THBS4: variants seen among roughly 807,000 people sequenced by gnomAD.
The protein encoded by THBS4 is thrombospondin-4.
In THBS4, 90 loss-of-function variants were observed where a neutral mutation model predicts 115.7. That is an observed-to-expected ratio of 0.78 (90% CI 0.66 to 0.93). The LOEUF is 0.93. THBS4 is among the 40% of genes least tolerant of loss of function. The pLI is 0.00. For missense variants in THBS4, 1,087 were observed against 1,232.7 expected, an observed-to-expected ratio of 0.88 and a Z score of 1.77; for synonymous variants, 460 against 479.3, an observed-to-expected ratio of 0.96 and a Z score of 0.53.
At chr5:80,005,758 T>C (rs1201885680) in intron 2 of THBS4, among the ~76,000 whole-genome samples, 2 of 147,438 alleles carry the variant, frequency 1.4e-5, no homozygotes, top group Non-Finnish European at 3.0e-5. Flanking sequence ...GTTTTGTTTG[T>C]GGCATTTTTT....
chr5:80,070,456 C>G, intron 11 of THBS4, 46 bp downstream of exon 11: 1 of 1,548,864 alleles, frequency 6.5e-7, no homozygotes, highest in Non-Finnish European at 8.9e-7. Flanking sequence ...CTGTGGCTTT[C>G]CAAAGTCACA....
chr5:80,031,067 T>C (rs1832578577), upstream of THBS4, among the ~76,000 whole-genome samples: 1 of 152,196 alleles, frequency 6.6e-6, no homozygotes, highest in African/African-American at 2.4e-5. Context: ...GATATCAAAA[T>C]CAATAATGCC....
chr5:80,004,478 G>T lies in THBS4; in HGVS notation n.177+6051G>T, dbSNP rs188128448. Among the ~76,000 whole-genome samples the T allele has an allele frequency of 5.9e-3, 897 of 152,238 alleles. 12 individuals are homozygous for T. The highest frequency in any genetic ancestry group is 0.02 in the African/African-American group (849 of 41,550). ...CAGGACACTAGGGTGGCCCCTTGTTGCTTCTCATCTGCTATAGTCTCCTGC... is the reference window on the plus strand; with the variant it reads ...CAGGACACTAGGGTGGCCCCTTGTTTCTTCTCATCTGCTATAGTCTCCTGC... On this transcript the variant is annotated intron_variant and non_coding_transcript_variant, in intron 2 of 3. Transcript: ENST00000510218.
intron 14 of THBS4, 71 bp downstream of exon 14, chr5:80,072,467 G>A (rs751553154): frequency 1.4e-6 from 2 of 1,412,454 alleles, no homozygotes; most frequent in Admixed American, 1.8e-5. Context: ...TAAGACGGGT[G>A]TCTAGAAAAA....
At chr5:80,048,887 A>G (rs1195388640) in intron 2 of THBS4, among the ~76,000 whole-genome samples, 2 of 152,238 alleles carry the variant, frequency 1.3e-5, no homozygotes, top group East Asian at 3.8e-4. Flanking sequence ...AAGAGACATT[A>G]ATGTCAAGGA....
At chr5:80,060,182 A>T (rs1228562556) in intron 7 of THBS4, among the ~76,000 whole-genome samples, 1 of 152,146 alleles carries the variant, frequency 6.6e-6, no homozygotes, top group Non-Finnish European at 1.5e-5. Flanking sequence ...TGACATTTGC[A>T]TTGGTTATTT....
chr5:80,007,628 T>C (rs555269183), intron 2 of THBS4, among the ~76,000 whole-genome samples: 1 of 152,326 alleles, frequency 6.6e-6, no homozygotes, highest in South Asian at 2.1e-4. Flanking sequence ...TCAAGTGATG[T>C]ACTTCTTGGG....
chr5:80,072,481 C>A, intron 14 of THBS4, 85 bp downstream of exon 14: 1 of 1,259,818 alleles, frequency 7.9e-7, no homozygotes, highest in Non-Finnish European at 1.1e-6. Flanking sequence ...AGAAAAACAG[C>A]AGAGCCTCTT....
At chr5:80,047,803 T>A (rs939685107) in intron 2 of THBS4, among the ~76,000 whole-genome samples, 1 of 151,804 alleles carries the variant, frequency 6.6e-6, no homozygotes, top group Non-Finnish European at 1.5e-5. Flanking sequence ...CCGCCTAATT[T>A]TTTTTGTTGT....
At chr5:80,006,978 C>T (rs1832030531) in intron 2 of THBS4, among the ~76,000 whole-genome samples, 1 of 152,244 alleles carries the variant, frequency 6.6e-6, no homozygotes, top group South Asian at 2.1e-4. Context: ...GTGCCAGGCA[C>T]TCTTCTAGAT....
intron 1 of THBS4, among the ~76,000 whole-genome samples, chr5:79,995,585 A>C (rs555621009): frequency 1.3e-5 from 2 of 152,314 alleles, no homozygotes; most frequent in Non-Finnish European, 1.5e-5. Flanking sequence ...ATTATGAGTA[A>C]AAGTCTGAAG....
intron 2 of THBS4, among the ~76,000 whole-genome samples, chr5:80,021,319 A>G (rs893767596): frequency 8.5e-5 from 13 of 152,234 alleles, no homozygotes; most frequent in Admixed American, 6.5e-5. Context: ...ACTGTCTTCC[A>G]TTGTCAGACA....
intron 9 of THBS4, chr5:80,066,857 C>T (rs56035131): frequency 1.3e-5 from 2 of 151,908 alleles, no homozygotes; most frequent in Admixed American, 6.6e-5. Context: ...ACCCCAAAAA[C>T]GAAGGACTAG....
intron 2 of THBS4, among the ~76,000 whole-genome samples, chr5:80,015,140 T>C (rs781067988): frequency 6.6e-6 from 1 of 152,220 alleles, no homozygotes; most frequent in Non-Finnish European, 1.5e-5. Flanking sequence ...TTTTCCAAAT[T>C]TAGATGAGAA....
upstream of THBS4, among the ~76,000 whole-genome samples, chr5:80,034,115 C>T (rs1832639542): frequency 6.6e-6 from 1 of 152,152 alleles, no homozygotes; most frequent in African/African-American, 2.4e-5. Context: ...GATATTTATG[C>T]ACATCCTCTG....
intron 15 of THBS4, among the ~76,000 whole-genome samples, chr5:80,074,890 C>T (rs1743119343): frequency 6.6e-6 from 1 of 152,070 alleles, no homozygotes; most frequent in Non-Finnish European, 1.5e-5. Flanking sequence ...GCATCTCTTT[C>T]ATTATGCTCT....
Position 80,071,027 on chromosome 5 carries a change from T to C in THBS4, c.1567T>C (p.Cys523Arg). Reference sequence around the variant, plus strand: ...CTGTCCTTTCATCTTTTAGGATAACTGTGTCCTGATTCATAATGTGGACCA... The same window carrying C: ...CTGTCCTTTCATCTTTTAGGATAACCGTGTCCTGATTCATAATGTGGACCA... ...GDGILNEQDNCVLIHNVDQRN... is the reference protein window; with the variant it reads ...GDGILNEQDNRVLIHNVDQRN... Residue 523 changes from cysteine to arginine, a missense_variant, in exon 13 of 22, where the codon TGT (cysteine) becomes CGT (arginine). Transcript: ENST00000350881. 1 of 1,612,900 alleles carries C rather than the reference T, an allele frequency of 6.2e-7. No homozygotes were observed. Among genetic ancestry groups the C allele is most frequent in the Non-Finnish European group, 8.5e-7 (1 of 1,179,770 alleles).
Position 80,070,472 on chromosome 5 carries a change from TA to T in THBS4, c.1452+63del. On this transcript the variant is annotated intron_variant, in intron 11 of 21. Coordinates refer to ENST00000350881, the MANE Select transcript of THBS4 (RefSeq NM_003248.6). ...TGTGGCTTTCCAAAGTCACATCTTC[TA>T]TGGGGAGAGGTTCTGTGGATCTAAT... 2.0e-6 allele frequency: 3 copies of T among 1,510,932 alleles called. 1 individual carries two copies. In the East Asian group the frequency reaches 6.8e-5, roughly 34 times the overall value. The allele number at this position is 1,510,932 out of a possible 1,614,324, so 93.6% of individuals were successfully genotyped here.
chr5:80,069,736 G>C (rs1245955363), intron 10 of THBS4, among the ~76,000 whole-genome samples: 1 of 152,238 alleles, frequency 6.6e-6, no homozygotes, highest in Non-Finnish European at 1.5e-5. Flanking sequence ...CCCTGCTGGG[G>C]CAAGTGAGCA....
Sources: allele counts gnomAD v4.1 joint callset (sites outside exome capture counted in the v4.1 genomes callset), GRCh38; gene constraint gnomAD v4.1.1; transcripts MANE v1.5; gene names NCBI Gene and HGNC (gene_info 2026-07-23, HGNC 2026-07-21).